The following ZNF317 variants were observed in gnomAD, a reference collection of about 807,000 sequenced individuals.
The protein encoded by ZNF317 is KRAB-containing zinc finger protein 317.
Under a neutral mutation model 23.4 loss-of-function variants are expected in ZNF317, and 17 were observed. The ratio of observed to expected loss-of-function variants is 0.73; its 90% CI spans 0.50 to 1.09. The LOEUF is 1.09. Ranked by LOEUF, ZNF317 falls within the 50% of genes least tolerant of loss-of-function variation. The probability of loss-of-function intolerance (pLI) is 0.00; values close to 1 mark genes in which losing one functional copy is unlikely to be tolerated. For synonymous variants in ZNF317, 317 were observed against 314.9 expected (o/e 1.01, Z -0.07); for missense variants, 679 against 796.7 (o/e 0.85, Z 1.78).
At chr19:9,150,173 G>C (rs989618293) in intron 1 of ZNF317, among the ~76,000 whole-genome samples, 2 of 152,174 alleles carry the variant, frequency 1.3e-5, no homozygotes, top group African/African-American at 4.8e-5. Context: ...CCACCTGGCT[G>C]CCACTCACTC....
At chr19:9,147,840 C>G (rs111851232) in intron 1 of ZNF317, among the ~76,000 whole-genome samples, 3,862 of 152,244 alleles carry the variant, frequency 0.025, 135 homozygotes, top group African/African-American at 0.079. Context: ...CCCCCTCCCC[C>G]CCTCCAAATC....
intron 1 of ZNF317, among the ~76,000 whole-genome samples, chr19:9,152,934 C>T (rs1386868864): frequency 1.3e-5 from 2 of 152,122 alleles, no homozygotes; most frequent in East Asian, 1.9e-4. Context: ...TCCGTAAGGT[C>T]GGTAGTAATG....
chr19:9,158,989 A>G, intron 6 of ZNF317, 81 bp downstream of exon 6: 1 of 939,154 alleles, frequency 1.1e-6, no homozygotes. Flanking sequence ...AAAGCAGTTC[A>G]ACACCAGGGC....
At chr19:9,159,374 G>A (rs10418591) in intron 6 of ZNF317, among the ~76,000 whole-genome samples, 51,520 of 151,706 alleles carry the variant, frequency 0.34, 9,852 homozygotes, top group African/African-American at 0.53. Flanking sequence ...ACACTTGGCT[G>A]ATTTTTCTAT....
chr19:9,156,930 G>A (rs2050790130), intron 3 of ZNF317, 182 bp downstream of exon 3: 1 of 775,876 alleles, frequency 1.3e-6, no homozygotes, highest in African/African-American at 1.8e-5. Context: ...AGTGATTTAT[G>A]TAGCATCTGT....
At position 9,160,748 on chromosome 19, in the gene ZNF317, G is replaced by A. The variant is rs138997775; in HGVS notation, c.1103G>A (p.Gly368Asp). The change falls in exon 7 of 7, where the codon GGC becomes GAC. Residue 368 changes from glycine (G) to aspartate (D), a missense_variant. By Grantham distance (94) the Gly-to-Asp change is moderately conservative. Transcript: ENST00000247956. This position sits in a 1 kb window ranked among gnomAD's most constrained non-coding sequence, Gnocchi z 6.8. ...GEKPYACTQCGKAFRWKSNFN... is the reference protein window; with the variant it reads ...GEKPYACTQCDKAFRWKSNFN... The stretch of plus-strand genomic sequence containing the variant: ...AAGCCCTACGCGTGCACGCAGTGCG[G>A]CAAAGCCTTCCGCTGGAAGTCCAAC... 957 of 1,614,062 alleles carry A rather than the reference G, an allele frequency of 5.9e-4. 2 individuals are homozygous for A. The highest frequency in any genetic ancestry group is 5.7e-4 in the Non-Finnish European group (673 of 1,179,988).
chr19:9,161,549 G>A lies in ZNF317; in HGVS notation c.*116G>A, dbSNP rs1001575779. The stretch of plus-strand genomic sequence containing the variant: ...GGTGCAAAAGAATCCACGGAACTTG[G>A]GAGAAGTCCAGTTCCTGTAAAAACT... On this transcript the variant is annotated 3_prime_UTR_variant, in exon 7 of 7. Transcript: ENST00000247956. The surrounding 1 kb of genome is among the most constrained non-coding windows in gnomAD (Gnocchi z 4.0). 5 of 1,451,374 alleles carry A rather than the reference G, an allele frequency of 3.4e-6. No individual in the cohort carries two copies. The African/African-American group carries it at 4.3e-5, about 12-fold the overall frequency. The allele number at this position is 1,451,374 out of a possible 1,614,324, so 89.9% of individuals were successfully genotyped here.
At chr19:9,147,486 G>A (rs142359045) in intron 1 of ZNF317, among the ~76,000 whole-genome samples, 14,441 of 151,846 alleles carry the variant, frequency 0.095, 808 homozygotes, top group African/African-American at 0.16. Context: ...GACTACAGGC[G>A]CCCGCCACCG....
chr19:9,156,965 G>A (rs894478929), intron 3 of ZNF317: 8 of 686,512 alleles, frequency 1.2e-5, no homozygotes, highest in Non-Finnish European at 1.9e-5. Context: ...CAAAATCTCA[G>A]GCCCTTGCTC....
rs758054024 is a variant in ZNF317, at chr19:9,158,904, C to T, written c.464C>T (p.Thr155Met). 6.7e-5 allele frequency: 107 copies of T among 1,606,518 alleles called. No individual in the cohort carries two copies. The highest frequency in any genetic ancestry group is 5.0e-4 in the Admixed American group (30 of 59,976). The change falls in exon 6 of 7, where the codon ACG (threonine) becomes ATG (methionine). Residue 155 changes from threonine to methionine, a missense_variant. Thr to Met is a moderately conservative substitution (Grantham distance 81). Coordinates refer to ENST00000247956, the MANE Select transcript of ZNF317 (RefSeq NM_020933.5). ...IFGKETPSGV[T>M]MERAGLGEKS... ...GGGAAGGAAACGCCCAGTGGTGTGACGATGGTAAGATTTCCGTGGGATAAT... is the reference window on the plus strand; with the variant it reads ...GGGAAGGAAACGCCCAGTGGTGTGATGATGGTAAGATTTCCGTGGGATAAT...
intron 6 of ZNF317, among the ~76,000 whole-genome samples, chr19:9,159,487 C>T (rs1476288308): frequency 6.6e-6 from 1 of 152,046 alleles, no homozygotes; most frequent in Non-Finnish European, 1.5e-5. Flanking sequence ...TAGGCTTGAG[C>T]CACCATGCCC....
At chr19:9,150,083 C>T (rs568989832) in intron 1 of ZNF317, among the ~76,000 whole-genome samples, 10 of 152,200 alleles carry the variant, frequency 6.6e-5, no homozygotes, top group Admixed American at 2.6e-4. Context: ...CTGCCATCAA[C>T]GTGGGGAGGC....
At position 9,154,705 on chromosome 19, in the gene ZNF317, A is replaced by C. The variant is rs182794830; in HGVS notation, c.-92-1220A>C. 1.6e-4 allele frequency among the ~76,000 whole-genome samples: 25 copies of C among 152,322 alleles called. No individual in the cohort carries two copies. In the East Asian group the frequency reaches 4.8e-3, roughly 29 times the overall value. On this transcript the variant is annotated intron_variant, in intron 1 of 6. Coordinates refer to ENST00000247956, the MANE Select transcript of ZNF317 (RefSeq NM_020933.5). ...TTTTTGTACGAGTCTTTGTGGATAT[A>C]AATTGTTTACAGTTTCTCTTATATA...
Position 9,160,335 on chromosome 19 carries a change from C to G in ZNF317, c.690C>G (p.Ala230=). The G allele has an allele frequency of 1.9e-6, 3 of 1,614,196 alleles. No homozygotes were observed. The highest frequency in any genetic ancestry group is 2.5e-6 in the Non-Finnish European group (3 of 1,180,044). ...KMHECHQCQK[A]FTTSASLTRH... ...ATGAATGTCATCAGTGCCAAAAAGCCTTCACCACGAGCGCGTCCCTCACAC... is the reference window on the plus strand; with the variant it reads ...ATGAATGTCATCAGTGCCAAAAAGCGTTCACCACGAGCGCGTCCCTCACAC... Residue 230 remains alanine, a synonymous_variant, in exon 7 of 7, where the codon GCC becomes GCG. Transcript: ENST00000247956. The surrounding 1 kb of genome is among the most constrained non-coding windows in gnomAD (Gnocchi z 6.8).
chr19:9,158,124 A>C (rs1422232963), intron 5 of ZNF317, 49 bp downstream of exon 5: 1 of 1,521,564 alleles, frequency 6.6e-7, no homozygotes. Context: ...ACCTCTATTC[A>C]GTGACTGGGG....
intron 1 of ZNF317, among the ~76,000 whole-genome samples, chr19:9,155,534 G>A (rs1435929031): frequency 6.6e-6 from 1 of 152,148 alleles, no homozygotes; most frequent in Non-Finnish European, 1.5e-5. Flanking sequence ...GGTGCAAAGG[G>A]CATTGGAGTT....
intron 1 of ZNF317, among the ~76,000 whole-genome samples, chr19:9,145,653 A>T (rs2050676458): frequency 6.6e-6 from 1 of 152,224 alleles, no homozygotes; most frequent in Non-Finnish European, 1.5e-5. Context: ...AAAAATCTAC[A>T]GCCACTATAT....
At chr19:9,156,283 A>C (rs1016094357) in intron 2 of ZNF317, among the ~76,000 whole-genome samples, 3 of 151,868 alleles carry the variant, frequency 2.0e-5, no homozygotes, top group African/African-American at 7.3e-5. Context: ...GTAATGGGTA[A>C]CCCTGAGTTA....
Position 9,160,255 on chromosome 19 carries a change from A to G in ZNF317, c.610A>G (p.Lys204Glu). The G allele has an allele frequency of 1.9e-6, 3 of 1,614,178 alleles. No homozygotes were observed. Among genetic ancestry groups the G allele is most frequent in the Non-Finnish European group, 2.5e-6 (3 of 1,180,016 alleles). The change falls in exon 7 of 7, where the codon AAG (lysine) becomes GAG (glutamate). Residue 204 changes from lysine to glutamate, a missense_variant. Transcript: ENST00000247956. The surrounding 1 kb of genome is among the most constrained non-coding windows in gnomAD (Gnocchi z 6.8). ...CCGCCGCGACTATGGGGTAGCGTTC[A>G]AGGGCAGGCCGCACCTCACTCAGCA... is the stretch of plus-strand genomic sequence containing the variant. ...YHRRDYGVAFKGRPHLTQHMS... is the reference protein window; with the variant it reads ...YHRRDYGVAFEGRPHLTQHMS...
Sources: allele counts gnomAD v4.1 joint callset (sites outside exome capture counted in the v4.1 genomes callset), GRCh38; gene constraint gnomAD v4.1.1; non-coding constraint Gnocchi (gnomAD v3.1); transcripts MANE v1.5; gene names NCBI Gene and HGNC (gene_info 2026-07-23, HGNC 2026-07-21).